SRGAP3: variants seen among roughly 807,000 people sequenced by gnomAD.
SRGAP3 encodes SLIT-ROBO Rho GTPase activating protein 3.
Under a neutral mutation model 121.1 loss-of-function variants are expected in SRGAP3, and 39 were observed. That is an observed-to-expected ratio of 0.32 (90% CI 0.25 to 0.42). The LOEUF (loss-of-function observed/expected upper bound fraction) is 0.42. SRGAP3 is among the 10% of genes least tolerant of loss of function. The pLI is 1.00. For synonymous variants in SRGAP3, 601 were observed against 570.0 expected (o/e 1.05, Z -0.77); for missense variants, 1,213 against 1,470.6 (o/e 0.82, Z 2.86).
At chr3:9,230,246 T>C (rs563554857) in intron 1 of SRGAP3, among the ~76,000 whole-genome samples, 1 of 152,278 alleles carries the variant, frequency 6.6e-6, no homozygotes, top group Non-Finnish European at 1.5e-5. Flanking sequence ...CTCAAAGAGA[T>C]GAAAACACTT....
intron 3 of SRGAP3, among the ~76,000 whole-genome samples, chr3:9,274,811 A>T (rs1297153806): frequency 1.3e-5 from 2 of 152,156 alleles, no homozygotes; most frequent in Non-Finnish European, 2.9e-5. Flanking sequence ...CTTTTCTCCA[A>T]AGCTACATCA....
chr3:9,349,229 T>A (rs1021371001), intron 1 of SRGAP3: 1 of 620,664 alleles, frequency 1.6e-6, no homozygotes, highest in South Asian at 1.5e-5. Context: ...AGGAGCACCC[T>A]CCCTGCCCAT....
intron 1 of SRGAP3, among the ~76,000 whole-genome samples, chr3:9,226,605 T>C (rs1473617027): frequency 6.6e-6 from 1 of 152,232 alleles, no homozygotes; most frequent in East Asian, 1.9e-4. Flanking sequence ...CAAAACTCAC[T>C]GTCAACGAGA....
rs1188713561 is a variant in SRGAP3 at position 9,179,779 on chromosome 3, C to T, written c.68-54862G>A. ...CAGTTTGCAACACACTTCCAAGGTG[C>T]CATGTTGGCCTTCATAAGACCTGAC... is the stretch of plus-strand genomic sequence containing the variant. On this transcript the variant is annotated intron_variant, in intron 1 of 21. Coordinates refer to ENST00000383836, the MANE Select transcript of SRGAP3 (RefSeq NM_014850.4). 2.0e-5 allele frequency among the ~76,000 whole-genome samples: 3 copies of T among 152,348 alleles called. No individual in the cohort carries two copies. In the East Asian group the frequency reaches 5.8e-4, roughly 29 times the overall value.
chr3:9,223,805 C>G (rs370617004), intron 1 of SRGAP3, among the ~76,000 whole-genome samples: 3 of 152,204 alleles, frequency 2.0e-5, no homozygotes, highest in Admixed American at 6.5e-5. Flanking sequence ...TCTGAAGAAC[C>G]ATCCCAGCCT....
chr3:9,141,506 T>C (rs965937176), intron 1 of SRGAP3, among the ~76,000 whole-genome samples: 16 of 151,456 alleles, frequency 1.1e-4, no homozygotes, highest in African/African-American at 3.9e-4. Flanking sequence ...TCTTGCCAAT[T>C]GATTTTTGGA....
At chr3:9,238,516 A>G (rs1198798208) in intron 1 of SRGAP3, among the ~76,000 whole-genome samples, 1 of 152,210 alleles carries the variant, frequency 6.6e-6, no homozygotes, top group Non-Finnish European at 1.5e-5. Flanking sequence ...GCATATGGGT[A>G]AAGATTTCCT....
At chr3:9,215,263 G>A (rs1031826023) in intron 1 of SRGAP3, among the ~76,000 whole-genome samples, 1 of 152,070 alleles carries the variant, frequency 6.6e-6, no homozygotes, top group African/African-American at 2.4e-5. Flanking sequence ...CCTTACTTTC[G>A]GCTCACTGAA....
chr3:9,322,696 C>T (rs1198176118), intron 3 of SRGAP3, among the ~76,000 whole-genome samples: 1 of 151,782 alleles, frequency 6.6e-6, no homozygotes, highest in Non-Finnish European at 1.5e-5. Context: ...AGACCATCCC[C>T]CCATCACCCC....
At chr3:9,075,039 A>T (rs1312464687) in intron 4 of SRGAP3, among the ~76,000 whole-genome samples, 2 of 152,268 alleles carry the variant, frequency 1.3e-5, no homozygotes, top group Non-Finnish European at 2.9e-5. Flanking sequence ...CATGCATTTC[A>T]TAATATAGAA....
intron 1 of SRGAP3, among the ~76,000 whole-genome samples, chr3:9,142,208 G>C (rs1467974912): frequency 6.6e-6 from 1 of 152,154 alleles, no homozygotes; most frequent in African/African-American, 2.4e-5. Flanking sequence ...ACATATGAAA[G>C]AGCTCTGTAA....
At chr3:9,361,848 G>A (rs1030163553) in intron 1 of SRGAP3, among the ~76,000 whole-genome samples, 12 of 152,142 alleles carry the variant, frequency 7.9e-5, no homozygotes, top group African/African-American at 2.7e-4. Flanking sequence ...GACGTGCAGT[G>A]AGGGTTTTCA....
chr3:9,006,510 C>T (rs1273871752), intron 18 of SRGAP3, among the ~76,000 whole-genome samples: 2 of 143,318 alleles, frequency 1.4e-5, no homozygotes, highest in Admixed American at 6.9e-5. Context: ...CACCTTAATA[C>T]ACAACGACAT....
intron 13 of SRGAP3, 122 bp downstream of exon 13, chr3:9,026,813 C>A: frequency 9.1e-7 from 1 of 1,095,646 alleles, no homozygotes; most frequent in South Asian, 1.3e-5. Context: ...AGTACTTTCC[C>A]CCTCCAAAGC....
In SRGAP3 at chr3:8,985,956, C is replaced by A; in HGVS notation, c.2887-24G>T. On this transcript the variant is annotated intron_variant, in intron 21 of 21. Transcript: ENST00000383836. This position sits in a 1 kb window ranked among gnomAD's most constrained non-coding sequence, Gnocchi z 5.1. ...TCCTGGGGACAGAGGGAGCTGGGGT[C>A]AGCACAGTCTGGAGACCTGGAGTCA... The A allele has an allele frequency of 6.3e-7, 1 of 1,599,596 alleles. No individual in the cohort carries two copies. The highest frequency in any genetic ancestry group is 8.5e-7 in the Non-Finnish European group (1 of 1,179,924).
chr3:9,141,283 C>T (rs1220590203), intron 1 of SRGAP3, among the ~76,000 whole-genome samples: 1 of 152,144 alleles, frequency 6.6e-6, no homozygotes, highest in Admixed American at 6.5e-5. Flanking sequence ...TGTGCATTCA[C>T]CTGACATTAA....
chr3:9,295,541 G>C (rs59710596), intron 3 of SRGAP3, among the ~76,000 whole-genome samples: 7,419 of 152,112 alleles, frequency 0.049, 625 homozygotes, highest in African/African-American at 0.17. Flanking sequence ...TGACAGCAAA[G>C]GCATAAAAAG....
At chr3:9,327,693 G>A (rs1367280571) in intron 2 of SRGAP3, among the ~76,000 whole-genome samples, 1 of 152,184 alleles carries the variant, frequency 6.6e-6, no homozygotes, top group Non-Finnish European at 1.5e-5. Context: ...TGTAAAGCAG[G>A]CAAGCTGTAC....
rs760740689 is a variant in SRGAP3 at position 9,124,690 on chromosome 3, C to T, written c.260+35G>A. ...AACTGTCCGCCCACCCCAGTGCTGC[C>T]TCCCATCTCTGTGCACCCATACCCA... On this transcript the variant is annotated intron_variant, in intron 2 of 21. Coordinates refer to ENST00000383836, the MANE Select transcript of SRGAP3 (RefSeq NM_014850.4). 7.4e-6 allele frequency: 12 copies of T among 1,613,066 alleles called. No homozygotes were observed. In the South Asian group the frequency reaches 1.3e-4, roughly 18 times the overall value.
Sources: allele counts gnomAD v4.1 joint callset (sites outside exome capture counted in the v4.1 genomes callset), GRCh38; gene constraint gnomAD v4.1.1; non-coding constraint Gnocchi (gnomAD v3.1); transcripts MANE v1.5; gene names NCBI Gene and HGNC (gene_info 2026-07-23, HGNC 2026-07-21).